The following LRP1B variants were observed in gnomAD, a reference collection of about 807,000 sequenced individuals.
LRP1B encodes low-density lipoprotein receptor-related protein 1B.
In LRP1B, 217 loss-of-function variants were observed where a neutral mutation model predicts 556.6. That is an observed-to-expected ratio of 0.39 (90% CI 0.35 to 0.44). The LOEUF is 0.44. Ranked by LOEUF, LRP1B falls within the 20% of genes least tolerant of loss-of-function variation. LRP1B has a pLI of 1.00. For missense variants in LRP1B, 5,053 were observed against 5,620.8 expected (o/e 0.90, Z 3.23); for synonymous variants, 2,047 against 1,865.8 (o/e 1.10, Z -2.50).
At chr2:141,084,870 C>T (rs928460155) in intron 7 of LRP1B, among the ~76,000 whole-genome samples, 3 of 152,006 alleles carry the variant, frequency 2.0e-5, no homozygotes, top group South Asian at 2.1e-4. Context: ...AGGATGGTCT[C>T]GATCTCCTGA....
chr2:140,735,260 T>C (rs753546081), intron 35 of LRP1B, among the ~76,000 whole-genome samples: 1 of 152,056 alleles, frequency 6.6e-6, no homozygotes, highest in Non-Finnish European at 1.5e-5. Flanking sequence ...GTCATGCCTT[T>C]GAAAAAGAAA....
intron 1 of LRP1B, among the ~76,000 whole-genome samples, chr2:142,129,992 T>G (rs1352362947): frequency 1.3e-5 from 2 of 152,092 alleles, no homozygotes; most frequent in Admixed American, 6.5e-5. Flanking sequence ...AGAGAGGCAC[T>G]CCAGGGGTGG....
At chr2:141,713,865 T>C (rs1177665118) in intron 2 of LRP1B, among the ~76,000 whole-genome samples, 1 of 152,188 alleles carries the variant, frequency 6.6e-6, no homozygotes, top group Non-Finnish European at 1.5e-5. Flanking sequence ...TAATGGATCA[T>C]TCTCAATCAC....
At chr2:141,205,697 A>G (rs1682244763) in intron 6 of LRP1B, among the ~76,000 whole-genome samples, 1 of 152,186 alleles carries the variant, frequency 6.6e-6, no homozygotes, top group African/African-American at 2.4e-5. Flanking sequence ...TCAAGCTGTA[A>G]AACAGTAAAA....
chr2:140,324,486 TAAGC>T (rs1479108897), intron 80 of LRP1B, among the ~76,000 whole-genome samples: 2 of 152,128 alleles, frequency 1.3e-5, no homozygotes, highest in African/African-American at 4.8e-5. Flanking sequence ...ACTGGTTTAT[TAAGC>T]AATCAATCAA....
At chr2:140,251,140 G>C (rs1449871066) in intron 86 of LRP1B, among the ~76,000 whole-genome samples, 1 of 151,694 alleles carries the variant, frequency 6.6e-6, no homozygotes, top group Non-Finnish European at 1.5e-5. Flanking sequence ...GAATAACTTC[G>C]TATAAAAGCT....
intron 63 of LRP1B, among the ~76,000 whole-genome samples, chr2:140,447,042 C>T (rs1686689979): frequency 1.3e-5 from 2 of 151,722 alleles, no homozygotes; most frequent in African/African-American, 2.4e-5. Flanking sequence ...ATACAAATGG[C>T]CAACTGGTAT....
At chr2:142,067,655 T>A (rs938365453) in intron 1 of LRP1B, among the ~76,000 whole-genome samples, 1 of 151,718 alleles carries the variant, frequency 6.6e-6, no homozygotes, top group Admixed American at 6.6e-5. Context: ...TTTTTTGGCC[T>A]GCATTTACAT....
At chr2:140,953,081 C>A (rs1471569765) in intron 18 of LRP1B, among the ~76,000 whole-genome samples, 1 of 151,880 alleles carries the variant, frequency 6.6e-6, no homozygotes, top group Non-Finnish European at 1.5e-5. Context: ...GGTCCATATT[C>A]TTTTTGTTTG....
chr2:141,092,123 A>G (rs1388603579), intron 7 of LRP1B, among the ~76,000 whole-genome samples: 2 of 152,134 alleles, frequency 1.3e-5, no homozygotes, highest in Non-Finnish European at 2.9e-5. Context: ...CTTATGACAA[A>G]ATTTGTTTTG....
At chr2:142,026,807 AT>A (rs989390227) in intron 1 of LRP1B, among the ~76,000 whole-genome samples, 1 of 150,480 alleles carries the variant, frequency 6.6e-6, no homozygotes, top group Non-Finnish European at 1.5e-5. Flanking sequence ...ATATAAACAT[AT>A]TTTTGTTTTC....
At chr2:141,507,245 T>C (rs1168254154) in intron 2 of LRP1B, among the ~76,000 whole-genome samples, 1 of 152,146 alleles carries the variant, frequency 6.6e-6, no homozygotes, top group Non-Finnish European at 1.5e-5. Context: ...GAAATATAAA[T>C]ACAGCTTACT....
chr2:141,549,038 T>C (rs544174354), intron 2 of LRP1B, among the ~76,000 whole-genome samples: 1 of 152,296 alleles, frequency 6.6e-6, no homozygotes, highest in South Asian at 2.1e-4. Context: ...TTGAACCATG[T>C]ACTTGAGAAA....
intron 87 of LRP1B, 96 bp from the exon 88 acceptor site, chr2:140,239,628 T>G (rs3748864): frequency 0.17 from 113,454 of 682,548 alleles, 10,842 homozygotes; most frequent in East Asian, 0.32. Flanking sequence ...ACTTGACCAT[T>G]GATATAATAA....
chr2:141,230,256 C>T (rs1042083224), intron 5 of LRP1B, among the ~76,000 whole-genome samples: 1 of 152,140 alleles, frequency 6.6e-6, no homozygotes, highest in African/African-American at 2.4e-5. Flanking sequence ...ATGTGGAAAT[C>T]TTTAATTCAT....
chr2:140,803,343 C>T (rs1487312815), intron 32 of LRP1B, among the ~76,000 whole-genome samples: 3 of 138,780 alleles, frequency 2.2e-5, no homozygotes, highest in African/African-American at 8.3e-5. Flanking sequence ...GGCGCGCGAT[C>T]TTGGCTCACT....
At chr2:140,609,057 G>T (rs1430788225) in intron 41 of LRP1B, among the ~76,000 whole-genome samples, 1 of 152,118 alleles carries the variant, frequency 6.6e-6, no homozygotes, top group Admixed American at 6.5e-5. Flanking sequence ...CAGTCCTTCT[G>T]TAGTCACCGG....
chr2:141,813,385 T>C (rs1696422912), intron 1 of LRP1B, among the ~76,000 whole-genome samples: 1 of 152,082 alleles, frequency 6.6e-6, no homozygotes, highest in Non-Finnish European at 1.5e-5. Flanking sequence ...GACATTTGAA[T>C]AAAAGCTGAA....
intron 31 of LRP1B, among the ~76,000 whole-genome samples, chr2:140,826,744 C>T (rs1051178810): frequency 5.9e-5 from 9 of 152,106 alleles, no homozygotes; most frequent in African/African-American, 2.2e-4. Context: ...TTTAAGAAAA[C>T]TATTACTGTC....
Sources: allele counts gnomAD v4.1 joint callset (sites outside exome capture counted in the v4.1 genomes callset), GRCh38; gene constraint gnomAD v4.1.1; transcripts MANE v1.5; gene names NCBI Gene and HGNC (gene_info 2026-07-23, HGNC 2026-07-21).